Variants in DHRSX observed in about 807,000 individuals in gnomAD.
The protein encoded by DHRSX is polyprenol dehydrogenase.
A neutral mutation model predicts 34.0 loss-of-function variants in DHRSX; 31 were observed. The observed-to-expected ratio is 0.91, with a 90% CI of 0.69 to 1.23. The LOEUF is 1.23. Ranked by LOEUF, DHRSX falls within the 50% of genes most tolerant of loss-of-function variation. DHRSX has a pLI of 0.00. For synonymous variants in DHRSX, 201 were observed against 183.8 expected (o/e 1.09, Z -0.76); for missense variants, 414 against 428.1 (o/e 0.97, Z 0.29).
At chrX:2,371,139 T>C (rs1009829834) in intron 3 of DHRSX, among the ~76,000 whole-genome samples, 1 of 151,498 alleles carries the variant, frequency 6.6e-6, no homozygotes, top group African/African-American at 2.4e-5. Flanking sequence ...GCCATTACCA[T>C]AGTCCCCCCT....
intron 3 of DHRSX, among the ~76,000 whole-genome samples, chrX:2,329,743 TC>T (rs2042433820): frequency 6.6e-6 from 1 of 152,084 alleles, no homozygotes; most frequent in Admixed American, 6.6e-5. Flanking sequence ...GACCTTCAAA[TC>T]CTAGCCCGCA....
intron 3 of DHRSX, among the ~76,000 whole-genome samples, chrX:2,304,342 T>TGGATGGATGGATGGATGAAC (rs1263921471): frequency 6.6e-6 from 1 of 150,888 alleles, no homozygotes; most frequent in African/African-American, 2.4e-5. Flanking sequence ...GATGAACTGA[T>TGGATGGATGGATGGATGAAC]GGATGGATGG....
intron 1 of DHRSX, among the ~76,000 whole-genome samples, chrX:2,475,615 T>C (rs745646613): frequency 5.3e-5 from 8 of 151,790 alleles, no homozygotes; most frequent in African/African-American, 1.7e-4. Context: ...TCACACTCAC[T>C]GAAGACGTTC....
chrX:2,465,897 C>G (rs1207991670), intron 1 of DHRSX, among the ~76,000 whole-genome samples: 1 of 151,944 alleles, frequency 6.6e-6, no homozygotes, highest in Non-Finnish European at 1.5e-5. Context: ...CAGGGCATCA[C>G]GCACCCCAAA....
intron 4 of DHRSX, among the ~76,000 whole-genome samples, chrX:2,290,295 A>T (rs893781860): frequency 6.6e-6 from 1 of 150,954 alleles, no homozygotes; most frequent in Non-Finnish European, 1.5e-5. Flanking sequence ...AGACAAAAAG[A>T]AAAAAAAATT....
intron 3 of DHRSX, among the ~76,000 whole-genome samples, chrX:2,346,984 C>CT (rs1157112799): frequency 2.0e-5 from 3 of 152,208 alleles, no homozygotes; most frequent in African/African-American, 7.2e-5. Flanking sequence ...TGAACTCATT[C>CT]TTTTTTATGG....
At chrX:2,342,447 C>T (rs1193369706) in intron 3 of DHRSX, among the ~76,000 whole-genome samples, 1 of 152,020 alleles carries the variant, frequency 6.6e-6, no homozygotes, top group African/African-American at 2.4e-5. Flanking sequence ...AGGACGGTGA[C>T]CATGAGTTCG....
intron 1 of DHRSX, chrX:2,500,348 G>A: frequency 5.5e-6 from 1 of 181,506 alleles, no homozygotes; most frequent in Admixed American, 5.2e-5. Context: ...TGGGACGCCC[G>A]CTCCTCCCCT....
At chrX:2,271,249 G>A (rs1435537591) in intron 4 of DHRSX, among the ~76,000 whole-genome samples, 2 of 152,256 alleles carry the variant, frequency 1.3e-5, no homozygotes, top group African/African-American at 4.8e-5. Context: ...AACTCGGGAC[G>A]CACCATCTTT....
intron 1 of DHRSX, among the ~76,000 whole-genome samples, chrX:2,491,069 T>TG (rs1245223824): frequency 3.4e-5 from 4 of 117,858 alleles, no homozygotes; most frequent in African/African-American, 1.3e-4. Context: ...GCCTTTAGTT[T>TG]TTTTTTTTTT....
intron 3 of DHRSX, among the ~76,000 whole-genome samples, chrX:2,292,442 C>T (rs192984863): frequency 1.3e-5 from 2 of 152,314 alleles, no homozygotes; most frequent in East Asian, 1.9e-4. Context: ...ATTCCTGACC[C>T]GCAGCAGCTG....
chrX:2,266,856 G>T lies in DHRSX; in HGVS notation c.480C>A (p.Asn160Lys), dbSNP rs143245543. The T allele has an allele frequency of 0.017, 26,803 of 1,613,950 alleles. 273 individuals are homozygous for T. Among genetic ancestry groups the T allele is most frequent in the Non-Finnish European group, 0.018 (21,488 of 1,179,842 alleles). ...ACTCTTTCAGCGTATCCAAGAGAAG[G>T]TTGGTCAGCAGGAAGTGCCCTAGGT... ...LNYLGHFLLT[N>K]LLLDTLKESG... The change falls in exon 5 of 7, where the codon AAC (asparagine) becomes AAA (lysine). Residue 160 changes from asparagine (N) to lysine (K), a missense_variant. Asn to Lys is a moderately conservative substitution (Grantham distance 94, BLOSUM62 0). Transcript: ENST00000334651.
chrX:2,255,332 G>A (rs2041261876), intron 5 of DHRSX, among the ~76,000 whole-genome samples: 1 of 151,998 alleles, frequency 6.6e-6, no homozygotes, highest in South Asian at 2.1e-4. Context: ...TCAGCTGTCC[G>A]ACATATCTCA....
At chrX:2,253,252 A>C (rs1219293627) in intron 5 of DHRSX, among the ~76,000 whole-genome samples, 1 of 151,770 alleles carries the variant, frequency 6.6e-6, no homozygotes, top group African/African-American at 2.4e-5. Context: ...ACGGCACTCC[A>C]GCCTAGGAGG....
chrX:2,269,792 G>A (rs2041524870), intron 4 of DHRSX, among the ~76,000 whole-genome samples: 1 of 152,024 alleles, frequency 6.6e-6, no homozygotes, highest in South Asian at 2.1e-4. Context: ...CGCCCACCTC[G>A]GCCTCCCTAA....
At chrX:2,495,638 G>A (rs2045263566) in intron 1 of DHRSX, among the ~76,000 whole-genome samples, 1 of 150,946 alleles carries the variant, frequency 6.6e-6, no homozygotes, top group South Asian at 2.1e-4. Flanking sequence ...CTGACCTTCT[G>A]CAGTGAGTAC....
At chrX:2,293,190 T>C (rs927369720) in intron 3 of DHRSX, among the ~76,000 whole-genome samples, 1 of 152,110 alleles carries the variant, frequency 6.6e-6, no homozygotes, top group Non-Finnish European at 1.5e-5. Context: ...ACTTCACTCT[T>C]TCTCTCTAAA....
chrX:2,302,719 T>C (rs2042028209), intron 3 of DHRSX, among the ~76,000 whole-genome samples: 1 of 152,154 alleles, frequency 6.6e-6, no homozygotes, highest in African/African-American at 2.4e-5. Flanking sequence ...AAGCTGTCTG[T>C]GGTGAGACAT....
intron 3 of DHRSX, among the ~76,000 whole-genome samples, chrX:2,332,419 T>TA (rs1437384991): frequency 6.6e-6 from 1 of 152,226 alleles, no homozygotes; most frequent in Non-Finnish European, 1.5e-5. Context: ...ATCAGCGTGT[T>TA]AATTGGCTAA....
Sources: allele counts gnomAD v4.1 joint callset (sites outside exome capture counted in the v4.1 genomes callset), GRCh38; gene constraint gnomAD v4.1.1; transcripts MANE v1.5; gene names NCBI Gene and HGNC (gene_info 2026-07-23, HGNC 2026-07-21).